The following TPRX1 variants were observed in gnomAD, a reference collection of about 807,000 sequenced individuals.
TPRX1 encodes the protein tetra-peptide repeat homeobox protein 1.
Under a neutral mutation model 8.1 loss-of-function variants are expected in TPRX1, and 2 were observed. The ratio of observed to expected loss-of-function variants is 0.25; its 90% CI spans 0.10 to 0.78. TPRX1 has a LOEUF of 0.78. TPRX1 is among the 30% of genes least tolerant of loss of function. The pLI, the probability that TPRX1 is intolerant of heterozygous loss-of-function variation, is 0.70. For missense variants in TPRX1, 517 were observed against 586.9 expected (o/e 0.88, Z 1.23); for synonymous variants, 257 against 254.1 (o/e 1.01, Z -0.11).
At chr19:47,801,786 G>A in exon 4 of TPRX1, 1 of 1,612,698 alleles carries the variant, frequency 6.2e-7, no homozygotes, top group African/African-American at 1.3e-5. Flanking sequence ...TATAAATCCA[G>A]TAATAACCTG....
At chr19:47,801,699 G>T (rs998207572) in exon 4 of TPRX1, 71 of 1,515,788 alleles carry the variant, frequency 4.7e-5, no homozygotes, top group Admixed American at 6.2e-5. Flanking sequence ...TGCATTCACT[G>T]CAGAAAGTCA....
chr19:47,803,705 C>T lies in TPRX1; in HGVS notation c.152-32G>A, dbSNP rs577221543. ...GTGGGAGGGAAACAGGTCACAGAAA[C>T]CCCCAGGCAGCCCCCAGCCCCCCTA... On this transcript the variant is annotated intron_variant, in intron 2 of 3. Coordinates refer to ENST00000535759, the Ensembl canonical transcript of TPRX1. 3,269 of 808,500 alleles carry T rather than the reference C, an allele frequency of 4.0e-3. 67 individuals carry two copies. The African/African-American group carries it at 0.045, about 11-fold the overall frequency. 50.1% of individuals were successfully genotyped at this position (808,500 alleles called of 1,614,324 possible).
Position 47,802,988 on chromosome 19 carries a change from G to A in TPRX1, c.322-8C>T, listed in dbSNP as rs1027498773. 3.2e-6 allele frequency: 5 copies of A among 1,541,642 alleles called. No individual in the cohort carries two copies. Among genetic ancestry groups the A allele is most frequent in the Middle Eastern group, 2.3e-4 (1 of 4,336 alleles). Reference sequence around the variant, plus strand: ...GCGATTCTTGAACCACACCTGGGGGGCAGAGGGGACAGGGAGAAGGTGTGA... The same window carrying A: ...GCGATTCTTGAACCACACCTGGGGGACAGAGGGGACAGGGAGAAGGTGTGA... On this transcript the variant is annotated splice_polypyrimidine_tract_variant and splice_region_variant and intron_variant, in intron 3 of 3. Transcript: ENST00000535759.
exon 4 of TPRX1, chr19:47,802,284 T>C (rs1176151366): frequency 6.5e-6 from 10 of 1,532,900 alleles, no homozygotes; most frequent in Non-Finnish European, 7.9e-6. Flanking sequence ...GGGCCTGAGA[T>C]TGGGCCTGGG....
At chr19:47,806,258 C>A (rs540797503) in intron 2 of TPRX1, among the ~76,000 whole-genome samples, 1 of 151,354 alleles carries the variant, frequency 6.6e-6, no homozygotes, top group Non-Finnish European at 1.5e-5. Flanking sequence ...GTGGCTCACG[C>A]CTGTAATCCC....
intron 2 of TPRX1, among the ~76,000 whole-genome samples, chr19:47,817,811 C>A (rs1162625086): frequency 6.6e-6 from 1 of 152,192 alleles, no homozygotes; most frequent in Non-Finnish European, 1.5e-5. Context: ...GGATTTAAAC[C>A]CAAACTCATG....
intron 2 of TPRX1, among the ~76,000 whole-genome samples, chr19:47,804,166 C>T (rs894898292): frequency 2.0e-5 from 3 of 150,832 alleles, no homozygotes; most frequent in Non-Finnish European, 4.4e-5. Flanking sequence ...AGGAACCCCC[C>T]GCCTTAGTCT....
chr19:47,816,825 C>G (rs1464659897), intron 2 of TPRX1, among the ~76,000 whole-genome samples: 7 of 152,212 alleles, frequency 4.6e-5, no homozygotes, highest in Admixed American at 4.6e-4. Context: ...AGCCACCACG[C>G]CCAGCCCACT....
At chr19:47,811,019 T>C (rs1318545759) in intron 2 of TPRX1, among the ~76,000 whole-genome samples, 1 of 151,564 alleles carries the variant, frequency 6.6e-6, no homozygotes, top group East Asian at 1.9e-4. Context: ...AATTTTATTT[T>C]TTGAGACAGG....
chr19:47,808,510 G>C (rs1457009794), intron 2 of TPRX1, among the ~76,000 whole-genome samples: 1 of 151,726 alleles, frequency 6.6e-6, no homozygotes, highest in African/African-American at 2.4e-5. Context: ...GCAGATATCG[G>C]CTCACTGCAA....
intron 2 of TPRX1, among the ~76,000 whole-genome samples, chr19:47,818,086 C>G (rs963245790): frequency 2.2e-4 from 34 of 152,240 alleles, no homozygotes; most frequent in Admixed American, 4.6e-4. Context: ...GGCAGCCCCA[C>G]AGTCTGACCT....
chr19:47,817,752 C>T (rs1380340770), intron 2 of TPRX1, among the ~76,000 whole-genome samples: 1 of 152,204 alleles, frequency 6.6e-6, no homozygotes, highest in African/African-American at 2.4e-5. Context: ...GAAACTGAGG[C>T]CCAGGAGCCC....
chr19:47,815,461 ACTT>A (rs1434686613), intron 2 of TPRX1, among the ~76,000 whole-genome samples: 4 of 149,276 alleles, frequency 2.7e-5, no homozygotes. Flanking sequence ...CTCAAAGAAT[ACTT>A]TAAGTAAAAT....
rs1016497572 is a variant in TPRX1 at position 47,818,318 on chromosome 19, C to T, written c.151+150G>A. On this transcript the variant is annotated intron_variant, in intron 2 of 3. Transcript: ENST00000535759. Reference sequence around the variant, plus strand: ...TCCATCCACCCATCCATCACCCATCCATCCATCCATCCATCCATCCATCAT... The same window carrying T: ...TCCATCCACCCATCCATCACCCATCTATCCATCCATCCATCCATCCATCAT... 192 of 303,424 alleles carry T rather than the reference C, an allele frequency of 6.3e-4. 1 individual carries two copies. Among genetic ancestry groups the T allele is most frequent in the African/African-American group, 3.2e-3 (90 of 28,182 alleles). 18.8% of individuals were successfully genotyped at this position (303,424 alleles called of 1,614,324 possible).
At chr19:47,803,734 A>G (rs2123712375) in intron 2 of TPRX1, 61 bp from the exon 2 acceptor site, 1 of 755,568 alleles carries the variant, frequency 1.3e-6, no homozygotes. Context: ...CCCCCTAGGG[A>G]CCCCGTCCCC....
chr19:47,813,118 A>C (rs1967798807), intron 2 of TPRX1, among the ~76,000 whole-genome samples: 1 of 148,830 alleles, frequency 6.7e-6, no homozygotes, highest in African/African-American at 2.5e-5. Context: ...AAAATAAATA[A>C]ATAAATAAAT....
intron 2 of TPRX1, among the ~76,000 whole-genome samples, chr19:47,811,228 T>C (rs1455176601): frequency 6.6e-6 from 1 of 151,758 alleles, no homozygotes; most frequent in Non-Finnish European, 1.5e-5. Flanking sequence ...GGTCTCAAAC[T>C]CCTGACCTCA....
chr19:47,801,650 C>T (rs111411093), exon 4 of TPRX1: 162,648 of 1,156,896 alleles, frequency 0.14, 12,693 homozygotes, highest in Non-Finnish European at 0.16. Flanking sequence ...ACAGTGAAGA[C>T]AGCAAATGTC....
exon 4 of TPRX1, chr19:47,802,483 T>C (rs1967684539): frequency 6.5e-7 from 1 of 1,542,096 alleles, no homozygotes; most frequent in African/African-American, 1.4e-5. Context: ...GGATCGGGCC[T>C]GGGTTTGGGC....
Sources: gnomAD v4.1 joint callset for allele counts (sites outside exome capture counted in the v4.1 genomes callset) on GRCh38, gnomAD v4.1.1 for gene constraint, MANE v1.5 for transcripts, NCBI Gene and HGNC (gene_info 2026-07-23, HGNC 2026-07-21) for gene names.